The following CDH1 variants were observed in gnomAD, a reference collection of about 807,000 sequenced individuals.
CDH1 encodes cadherin 1.
CDH1 carries 35 observed loss-of-function variants against 84.5 expected under a neutral mutation model. That is an observed-to-expected ratio of 0.41 (90% confidence interval 0.32 to 0.55). The LOEUF (loss-of-function observed/expected upper bound fraction) is 0.55. CDH1 is among the 20% of genes least tolerant of loss of function. CDH1 has a pLI of 0.19. For missense variants in CDH1, 994 were observed against 1,126.6 expected (o/e 0.88, Z 1.68); for synonymous variants, 417 against 439.0 (o/e 0.95, Z 0.63).
In CDH1 at chr16:68,833,473, A is replaced by T. The variant is rs1555518287; in HGVS notation, c.2623A>T (p.Met875Leu). The T allele has an allele frequency of 6.2e-7, 1 of 1,614,040 alleles. No homozygotes were observed. Among genetic ancestry groups the T allele is most frequent in the Non-Finnish European group, 8.5e-7 (1 of 1,180,004 alleles). Residue 875 changes from methionine (M) to leucine (L), a missense_variant, in exon 16 of 16, where the codon ATG becomes TTG. This residue lies in a region of CDH1 where 769 missense variants were observed against 881.8 expected (regional missense o/e 0.87). Coordinates refer to ENST00000261769, the MANE Select transcript of CDH1 (RefSeq NM_004360.5). ...CAATCGCTTCAAGAAGCTGGCTGAC[A>T]TGTACGGAGGCGGCGAGGACGACTA... is the stretch of plus-strand genomic sequence containing the variant. The part of the protein sequence containing the change: ...WGNRFKKLAD[M>L]YGGGEDD
rs765090311 is a variant in CDH1 at position 68,810,289 on chromosome 16, C to T, written c.780C>T (p.Pro260=). ...ITVTDQNDNK[P]EFTQEVFKGS... is the part of the protein sequence containing the mutation. ...TAACCGATCAGAATGACAACAAGCC[C>T]GAATTCACCCAGGAGGTCTTTAAGG... The change falls in exon 6 of 16, where the codon CCC becomes CCT. Residue 260 remains proline, a synonymous_variant. Transcript: ENST00000261769. 47 of 1,613,950 alleles carry T rather than the reference C, an allele frequency of 2.9e-5. No individual in the cohort carries two copies. Among genetic ancestry groups the T allele is most frequent in the African/African-American group, 6.7e-5 (5 of 74,894 alleles).
chr16:68,737,570 A>G (rs939789834), intron 1 of CDH1, 107 bp downstream of exon 1: 1 of 1,035,882 alleles, frequency 9.7e-7, no homozygotes, highest in Admixed American at 2.0e-5. Flanking sequence ...TTCTTCCAAG[A>G]AAGTTCGGGT....
chr16:68,740,477 T>C (rs1383428503), intron 2 of CDH1, among the ~76,000 whole-genome samples: 6 of 152,020 alleles, frequency 3.9e-5, no homozygotes, highest in Non-Finnish European at 1.5e-5. Flanking sequence ...TCAGTGGGCA[T>C]TGAGGAGTGG....
At chr16:68,823,985 T>G (rs2152139871) in intron 13 of CDH1, among the ~76,000 whole-genome samples, 1 of 147,828 alleles carries the variant, frequency 6.8e-6, no homozygotes, top group East Asian at 2.0e-4. Context: ...CCACAGATTC[T>G]GCATTTCTTT....
In CDH1 at chr16:68,783,349, A is replaced by G. The variant is rs1215020047; in HGVS notation, c.164-18321A>G. ...GAGGTGAAGGTTGCAGTGAGCTAAG[A>G]TGATGCCACTGCACTCCAGCCTAGG... On this transcript the variant is annotated intron_variant, in intron 2 of 15. Coordinates refer to ENST00000261769, the MANE Select transcript of CDH1 (RefSeq NM_004360.5). 2.7e-5 allele frequency among the ~76,000 whole-genome samples: 4 copies of G among 150,590 alleles called. No individual in the cohort carries two copies. The East Asian group carries it at 7.8e-4, about 29-fold the overall frequency.
intron 2 of CDH1, among the ~76,000 whole-genome samples, chr16:68,743,368 CTTTTCTTTCTTTTG>C (rs2152115794): frequency 8.6e-6 from 1 of 116,234 alleles, no homozygotes; most frequent in East Asian, 2.4e-4. Context: ...TCTTTCTTTT[CTTTTCTTTCTTTTG>C]AGACGGAGTG....
chr16:68,755,374 A>C (rs1962992818), intron 2 of CDH1, among the ~76,000 whole-genome samples: 1 of 151,386 alleles, frequency 6.6e-6, no homozygotes. Flanking sequence ...ATTGAAAAAG[A>C]CTGTTCTCTA....
At chr16:68,756,177 T>C (rs1963013839) in intron 2 of CDH1, among the ~76,000 whole-genome samples, 1 of 151,374 alleles carries the variant, frequency 6.6e-6, no homozygotes, top group Admixed American at 6.6e-5. Context: ...TCCTAGGACC[T>C]GGTACTTACT....
Position 68,740,467 on chromosome 16 carries a change from T to G in CDH1, c.163+2056T>G, listed in dbSNP as rs1467514859. Among the ~76,000 whole-genome samples, 3 of 151,968 alleles carry G rather than the reference T, an allele frequency of 2.0e-5. No individual in the cohort carries two copies. The East Asian group carries it at 5.8e-4, about 29-fold the overall frequency. Reference sequence around the variant, plus strand: ...GTGCTGGGGATTGGATATTTTGATGTCAGTGGGCATTGAGGAGTGGCTTCT... The same window carrying G: ...GTGCTGGGGATTGGATATTTTGATGGCAGTGGGCATTGAGGAGTGGCTTCT... On this transcript the variant is annotated intron_variant, in intron 2 of 15. Transcript: ENST00000261769.
At chr16:68,766,885 G>A (rs1367900288) in intron 2 of CDH1, among the ~76,000 whole-genome samples, 2 of 151,688 alleles carry the variant, frequency 1.3e-5, no homozygotes, top group Non-Finnish European at 2.9e-5. Flanking sequence ...CCACCATCAC[G>A]CCCGGCTGAT....
chr16:68,834,301 G>A lies in CDH1; in HGVS notation c.*802G>A, dbSNP rs1004797240. On this transcript the variant is annotated 3_prime_UTR_variant, in exon 16 of 16. Transcript: ENST00000261769. ...TTTTAAGAGACAGTTTCGCTCCATC[G>A]CCCAGGCCTGGGATGCAGTGATGTG... 9 of 509,802 alleles carry A rather than the reference G, an allele frequency of 1.8e-5. No homozygotes were observed. The highest frequency in any genetic ancestry group is 3.8e-5 in the African/African-American group (2 of 52,398). 31.6% of individuals were successfully genotyped at this position (509,802 alleles called of 1,614,324 possible). A position where few individuals can be genotyped will look rare whatever the true frequency, so the allele number is the denominator to read the frequency against.
At chr16:68,824,689 G>A (rs1409115701) in intron 13 of CDH1, among the ~76,000 whole-genome samples, 1 of 152,236 alleles carries the variant, frequency 6.6e-6, no homozygotes, top group Admixed American at 6.5e-5. Flanking sequence ...TTCTGCCATA[G>A]TCCTTAAACC....
Position 68,758,587 on chromosome 16 carries a change from A to T in CDH1, c.163+20176A>T, listed in dbSNP as rs1190554686. ...GCTCTCCAACCTGGTCAATGTCTCA[A>T]GAATCGATCTCTAAAAAAACAAATT... On this transcript the variant is annotated intron_variant, in intron 2 of 15. Transcript: ENST00000261769. Among the ~76,000 whole-genome samples the T allele has an allele frequency of 2.0e-5, 3 of 148,700 alleles. No homozygotes were observed. The East Asian group carries it at 6.0e-4, about 30-fold the overall frequency.
chr16:68,777,947 G>C (rs1307372901), intron 2 of CDH1, among the ~76,000 whole-genome samples: 2 of 152,116 alleles, frequency 1.3e-5, no homozygotes, highest in East Asian at 3.9e-4. Context: ...GGCCAGACTG[G>C]TCTCAAACTC....
chr16:68,758,704 G>A (rs1019540039), intron 2 of CDH1, among the ~76,000 whole-genome samples: 1 of 151,788 alleles, frequency 6.6e-6, no homozygotes, highest in Non-Finnish European at 1.5e-5. Context: ...TGTCAAAGGA[G>A]CCACAGAGGA....
intron 10 of CDH1, among the ~76,000 whole-genome samples, chr16:68,816,768 AC>A (rs1433708826): frequency 1.4e-5 from 2 of 140,394 alleles, no homozygotes; most frequent in African/African-American, 3.0e-5. Context: ...AAACAAAAAA[AC>A]TCTCATTTTC....
chr16:68,833,553 C>G lies in CDH1; in HGVS notation c.*54C>G, dbSNP rs1801026. On this transcript the variant is annotated 3_prime_UTR_variant, in exon 16 of 16. Transcript: ENST00000261769. Reference sequence around the variant, plus strand: ...CATGTGCTGGGAAATGCAGAAATCACGTTGCTGGTGGTTTTTCAGCTCCCT... The same window carrying G: ...CATGTGCTGGGAAATGCAGAAATCAGGTTGCTGGTGGTTTTTCAGCTCCCT... 3 of 1,448,742 alleles carry G rather than the reference C, an allele frequency of 2.1e-6. No homozygotes were observed. The Admixed American group carries it at 5.0e-5, about 24-fold the overall frequency. 89.7% of individuals were successfully genotyped at this position (1,448,742 alleles called of 1,614,324 possible).
intron 15 of CDH1, among the ~76,000 whole-genome samples, chr16:68,830,245 A>C (rs1961451754): frequency 6.6e-6 from 1 of 151,834 alleles, no homozygotes; most frequent in Non-Finnish European, 1.5e-5. Context: ...GAGCCACCGC[A>C]CCTGGCAGCC....
chr16:68,800,259 C>T (rs1476200967), intron 2 of CDH1, among the ~76,000 whole-genome samples: 1 of 151,726 alleles, frequency 6.6e-6, no homozygotes, highest in African/African-American at 2.4e-5. Flanking sequence ...GAGACTAACC[C>T]ATGTTAAAGG....
Sources: gnomAD v4.1 joint callset for allele counts (sites outside exome capture counted in the v4.1 genomes callset) on GRCh38, gnomAD v4.1.1 for gene constraint, gnomAD v4.1.1 regional missense constraint, MANE v1.5 for transcripts, NCBI Gene and HGNC (gene_info 2026-07-23, HGNC 2026-07-21) for gene names.